LMX1A: variants seen among roughly 807,000 people sequenced by gnomAD.
The protein encoded by LMX1A is LIM homeobox transcription factor 1-alpha.
Under a neutral mutation model 49.1 loss-of-function variants are expected in LMX1A, and 15 were observed. The observed-to-expected ratio is 0.31, with a 90% CI of 0.20 to 0.47. The LOEUF is 0.47. LMX1A is among the 20% of genes least tolerant of loss of function. The pLI is 1.00. For synonymous variants in LMX1A, 167 were observed against 185.7 expected (o/e 0.90, Z 0.82); for missense variants, 372 against 475.8 (o/e 0.78, Z 2.03).
intron 3 of LMX1A, among the ~76,000 whole-genome samples, chr1:165,308,164 C>T (rs1654974747): frequency 6.6e-6 from 1 of 152,194 alleles, no homozygotes; most frequent in Non-Finnish European, 1.5e-5. Flanking sequence ...CTGATGCTAT[C>T]GTATTCAACA....
At chr1:165,330,884 A>G (rs1655726016) in intron 3 of LMX1A, among the ~76,000 whole-genome samples, 1 of 152,216 alleles carries the variant, frequency 6.6e-6, no homozygotes, top group South Asian at 2.1e-4. Context: ...GCCCTGACCT[A>G]CACACATACT....
At chr1:165,207,766 G>T (rs1488479804) in intron 7 of LMX1A, among the ~76,000 whole-genome samples, 4 of 152,278 alleles carry the variant, frequency 2.6e-5, no homozygotes, top group Middle Eastern at 3.4e-3. Flanking sequence ...GAAACTGAAC[G>T]TATCTGTGAC....
At chr1:165,278,479 A>AG (rs1480116891) in intron 3 of LMX1A, among the ~76,000 whole-genome samples, 1 of 152,154 alleles carries the variant, frequency 6.6e-6, no homozygotes, top group Non-Finnish European at 1.5e-5. Flanking sequence ...CTTGGCACTG[A>AG]GTACCTGCTG....
At chr1:165,215,207 A>G (rs1651599179) in intron 4 of LMX1A, among the ~76,000 whole-genome samples, 1 of 152,172 alleles carries the variant, frequency 6.6e-6, no homozygotes, top group African/African-American at 2.4e-5. Context: ...GCTACTCGGG[A>G]AGCTGATCCA....
chr1:165,214,092 T>C (rs1478290350), intron 4 of LMX1A, among the ~76,000 whole-genome samples: 1 of 152,146 alleles, frequency 6.6e-6, no homozygotes, highest in Non-Finnish European at 1.5e-5. Flanking sequence ...CCTTGGGCAA[T>C]GATATGGTTT....
chr1:165,334,463 C>T (rs1655841810), intron 3 of LMX1A, among the ~76,000 whole-genome samples: 2 of 152,120 alleles, frequency 1.3e-5, no homozygotes, highest in Admixed American at 1.3e-4. Flanking sequence ...GGTAATATAT[C>T]ATCCTAACTT....
chr1:165,310,585 C>A (rs1177761030), intron 3 of LMX1A, among the ~76,000 whole-genome samples: 2 of 152,320 alleles, frequency 1.3e-5, no homozygotes, highest in East Asian at 1.9e-4. Context: ...TATGAGCAAC[C>A]AACAGAAGGC....
At chr1:165,336,492 T>A (rs1489572565) in intron 3 of LMX1A, among the ~76,000 whole-genome samples, 1 of 152,188 alleles carries the variant, frequency 6.6e-6, no homozygotes, top group Non-Finnish European at 1.5e-5. Flanking sequence ...CTTTTTGGCC[T>A]CTGAAGAAGT....
At chr1:165,256,636 A>G (rs1486966803) in intron 3 of LMX1A, among the ~76,000 whole-genome samples, 2 of 152,234 alleles carry the variant, frequency 1.3e-5, no homozygotes, top group Non-Finnish European at 2.9e-5. Context: ...ATAGAAGAGT[A>G]TCATTGGAAG....
chr1:165,233,329 C>A (rs1371786523), intron 4 of LMX1A, among the ~76,000 whole-genome samples: 2 of 152,190 alleles, frequency 1.3e-5, no homozygotes, highest in South Asian at 2.1e-4. Context: ...GTGGTACACA[C>A]CTGTGGTCCC....
chr1:165,208,280 A>G (rs1651184005), intron 6 of LMX1A, 148 bp from the exon 7 acceptor site: 1 of 647,704 alleles, frequency 1.5e-6, no homozygotes, highest in Admixed American at 2.4e-5. Context: ...AACAGTGGCC[A>G]GCCCCATATG....
At chr1:165,216,990 T>C (rs1651664169) in intron 4 of LMX1A, among the ~76,000 whole-genome samples, 1 of 152,198 alleles carries the variant, frequency 6.6e-6, no homozygotes, top group African/African-American at 2.4e-5. Context: ...TGGTATTTAA[T>C]AAATCACAAT....
chr1:165,313,471 C>CTTTTTTTTTTTTTTTTTTTTT (rs34912339), intron 3 of LMX1A, among the ~76,000 whole-genome samples: 30 of 114,822 alleles, frequency 2.6e-4, no homozygotes, highest in Admixed American at 4.7e-4. Flanking sequence ...CACCTTCTTC[C>CTTTTTTTTTTTTTTTTTTTTT]TTTTTTTTTT....
chr1:165,250,020 A>T (rs946200006), intron 3 of LMX1A, among the ~76,000 whole-genome samples: 4 of 3,032 alleles, frequency 1.3e-3, no homozygotes, highest in Admixed American at 9.4e-3. Flanking sequence ...TATAAGTGGG[A>T]GCTGAACAAT....
intron 3 of LMX1A, among the ~76,000 whole-genome samples, chr1:165,255,488 A>T (rs893254771): frequency 2.6e-5 from 4 of 152,204 alleles, no homozygotes; most frequent in Admixed American, 2.6e-4. Context: ...ACACCACTTC[A>T]TCACTTGCTG....
At chr1:165,253,422 G>A (rs1468237003) in intron 3 of LMX1A, among the ~76,000 whole-genome samples, 1 of 152,174 alleles carries the variant, frequency 6.6e-6, no homozygotes, top group Non-Finnish European at 1.5e-5. Flanking sequence ...GAAGACAAGA[G>A]TTTTGAGGGT....
intron 4 of LMX1A, among the ~76,000 whole-genome samples, chr1:165,234,409 C>A (rs757993620): frequency 7.2e-5 from 11 of 152,128 alleles, no homozygotes; most frequent in Non-Finnish European, 1.6e-4. Flanking sequence ...GGAATGATTG[C>A]GCCAGACTCT....
chr1:165,339,434 T>C (rs535921411), intron 3 of LMX1A, among the ~76,000 whole-genome samples: 1 of 152,294 alleles, frequency 6.6e-6, no homozygotes, highest in African/African-American at 2.4e-5. Flanking sequence ...CATGTGGTGG[T>C]ATACTTCTGA....
rs1388509537 is a variant in LMX1A at position 165,355,521 on chromosome 1, G to C, written c.39C>G (p.Ser13Arg). ...DGLKMEENFQ[S>R]AIDTSASFSS... ...AGAAGGAGGCCGAGGTGTCGATCGC[G>C]CTTTGGAAGTTCTCCTCCATCTTTA... The change falls in exon 2 of 9, where the codon AGC (serine) becomes AGG (arginine). Residue 13 changes from serine (S) to arginine (R), a missense_variant. By Grantham distance (110) the Ser-to-Arg change is moderately radical. Coordinates refer to ENST00000342310, the MANE Select transcript of LMX1A (RefSeq NM_177398.4). The surrounding 1 kb of genome is among the most constrained non-coding windows in gnomAD (Gnocchi z 4.7). 1 of 1,614,018 alleles carries C rather than the reference G, an allele frequency of 6.2e-7. No individual in the cohort carries two copies. Among genetic ancestry groups the C allele is most frequent in the Admixed American group, 1.7e-5 (1 of 60,020 alleles).
Sources: allele counts gnomAD v4.1 joint callset (sites outside exome capture counted in the v4.1 genomes callset), GRCh38; gene constraint gnomAD v4.1.1; non-coding constraint Gnocchi (gnomAD v3.1); transcripts MANE v1.5; gene names NCBI Gene and HGNC (gene_info 2026-07-23, HGNC 2026-07-21).